ZBED6: variants seen among roughly 807,000 people sequenced by gnomAD.
The protein encoded by ZBED6 is zinc finger BED domain-containing protein 6.
Under a neutral mutation model 58.4 loss-of-function variants are expected in ZBED6, and 40 were observed. That is an observed-to-expected ratio of 0.68 (90% CI 0.53 to 0.89). The LOEUF (loss-of-function observed/expected upper bound fraction) is 0.89. Among genes scored for constraint, ZBED6 ranks in the 40% least tolerant of loss-of-function variants. The pLI, the probability that ZBED6 is intolerant of heterozygous loss-of-function variation, is 0.00. For missense variants in ZBED6, 1,057 were observed against 1,003.9 expected (o/e 1.05, Z -0.71); for synonymous variants, 439 against 350.6 (o/e 1.25, Z -2.82).
chr1:203,828,440 T>G lies in ZBED6; in HGVS notation c.*2997+18T>G. The G allele has an allele frequency of 6.3e-7, 1 of 1,592,994 alleles. No individual in the cohort carries two copies. Among genetic ancestry groups the G allele is most frequent in the South Asian group, 1.1e-5 (1 of 88,656 alleles). On this transcript the variant is annotated intron_variant, in intron 4 of 16. Coordinates refer to ENST00000550078, the Ensembl canonical transcript of ZBED6. Reference sequence around the variant, plus strand: ...GAGCAAAAGTGAGATCAGTTTTTAATTTTAAAAGAATATCAAATGAACACC... The same window carrying G: ...GAGCAAAAGTGAGATCAGTTTTTAAGTTTAAAAGAATATCAAATGAACACC...
chr1:203,797,914 A>G, exon 1 of ZBED6: 2 of 1,536,148 alleles, frequency 1.3e-6, no homozygotes, highest in African/African-American at 2.7e-5. Context: ...ACTAGAGCCA[A>G]GACCTCCATT....
At chr1:203,805,909 T>G in intron 1 of ZBED6, 1 of 685,944 alleles carries the variant, frequency 1.5e-6, no homozygotes, top group Non-Finnish European at 2.7e-6. Context: ...AGTTTTCACT[T>G]GCTTGTCTAC....
At chr1:203,843,833 T>A (rs932591659) in intron 11 of ZBED6, among the ~76,000 whole-genome samples, 1 of 152,196 alleles carries the variant, frequency 6.6e-6, no homozygotes, top group African/African-American at 2.4e-5. Context: ...TTCTCTTATT[T>A]TTTTTTCTTT....
exon 1 of ZBED6, chr1:203,799,220 C>T: frequency 1.1e-6 from 1 of 939,604 alleles, no homozygotes; most frequent in East Asian, 2.6e-5. Context: ...CTGACAATTC[C>T]TCTAATGTGG....
At chr1:203,806,031 G>T (rs1400859776) in intron 1 of ZBED6, 4 of 542,002 alleles carry the variant, frequency 7.4e-6, no homozygotes, top group Non-Finnish European at 1.4e-5. Context: ...GGGTGCGATT[G>T]TCCTGCTGCT....
At chr1:203,845,084 C>G (rs867068199) in intron 11 of ZBED6, among the ~76,000 whole-genome samples, 2 of 151,996 alleles carry the variant, frequency 1.3e-5, no homozygotes, top group South Asian at 2.1e-4. Context: ...TTTCCTTTGA[C>G]TGTATTGGGA....
At chr1:203,829,751 G>T in intron 5 of ZBED6, 29 bp from the exon 6 acceptor site, 1 of 1,612,676 alleles carries the variant, frequency 6.2e-7, no homozygotes. Flanking sequence ...ATTTTTAATT[G>T]TGAATTTGCC....
chr1:203,839,240 TCA>T (rs1422407932), intron 10 of ZBED6, among the ~76,000 whole-genome samples: 2 of 152,238 alleles, frequency 1.3e-5, no homozygotes, highest in African/African-American at 4.8e-5. Flanking sequence ...AGACAAGGTT[TCA>T]CAGTGTTGCC....
chr1:203,820,468 A>AG (rs1678195161), intron 3 of ZBED6, among the ~76,000 whole-genome samples: 1 of 150,386 alleles, frequency 6.6e-6, no homozygotes. Context: ...ATCACAAATT[A>AG]TGTGTGTGTG....
intron 3 of ZBED6, among the ~76,000 whole-genome samples, chr1:203,823,625 G>A (rs1268956992): frequency 6.6e-6 from 1 of 152,212 alleles, no homozygotes; most frequent in Non-Finnish European, 1.5e-5. Context: ...TTGCAAGCAG[G>A]CATTTCTAAG....
chr1:203,846,810 C>T (rs11806484), intron 11 of ZBED6, among the ~76,000 whole-genome samples: 27,292 of 152,022 alleles, frequency 0.18, 2,584 homozygotes, highest in Middle Eastern at 0.26. Flanking sequence ...TCCTTGAGGA[C>T]CACTGCCTGG....
exon 1 of ZBED6, chr1:203,797,934 T>G (rs1394115239): frequency 6.5e-7 from 1 of 1,536,108 alleles, no homozygotes; most frequent in Non-Finnish European, 8.7e-7. Flanking sequence ...TGTGTGGCAC[T>G]TCTTTCATGT....
At chr1:203,847,195 A>G (rs2103400159) in exon 12 of ZBED6, 9 of 1,612,594 alleles carry the variant, frequency 5.6e-6, no homozygotes, top group Non-Finnish European at 7.6e-6. Flanking sequence ...TAAAGTTAAT[A>G]AAGTTGGTGA....
intron 3 of ZBED6, 121 bp downstream of exon 3, chr1:203,818,810 C>T (rs1677228285): frequency 1.4e-6 from 2 of 1,458,902 alleles, no homozygotes; most frequent in Admixed American, 2.1e-5. Flanking sequence ...TGGCTCATGC[C>T]TGTAGTTCCA....
exon 2 of ZBED6, chr1:203,817,120 C>G (rs1480159958): frequency 6.2e-7 from 1 of 1,605,202 alleles, no homozygotes; most frequent in Non-Finnish European, 8.5e-7. Flanking sequence ...TCCACATGTA[C>G]CAAAGTAAGA....
intron 10 of ZBED6, among the ~76,000 whole-genome samples, 180 bp from the exon 11 acceptor site, chr1:203,840,126 A>T (rs560767712): frequency 1.3e-5 from 2 of 152,108 alleles, no homozygotes; most frequent in Non-Finnish European, 2.9e-5. Context: ...TTTAGTAGAG[A>T]TGGGGTTTCA....
At chr1:203,829,500 C>T in exon 5 of ZBED6, 1 of 1,613,946 alleles carries the variant, frequency 6.2e-7, no homozygotes. Flanking sequence ...TGAAGGCTAG[C>T]CAACTTTCAG....
chr1:203,798,539 A>C, exon 1 of ZBED6: 1 of 1,536,140 alleles, frequency 6.5e-7, no homozygotes, highest in Non-Finnish European at 8.7e-7. Flanking sequence ...AGACTGAGAG[A>C]AGTGATCTCT....
intron 9 of ZBED6, among the ~76,000 whole-genome samples, chr1:203,836,701 G>A (rs1233568691): frequency 6.6e-6 from 1 of 152,160 alleles, no homozygotes; most frequent in Non-Finnish European, 1.5e-5. Flanking sequence ...GCTTGAACCC[G>A]GGAGGTGGAG....
Sources: allele counts gnomAD v4.1 joint callset (sites outside exome capture counted in the v4.1 genomes callset), GRCh38; gene constraint gnomAD v4.1.1; transcripts MANE v1.5; gene names NCBI Gene and HGNC (gene_info 2026-07-23, HGNC 2026-07-21).